The following PARVB variants were observed in gnomAD, a reference collection of about 807,000 sequenced individuals.
PARVB encodes the protein parvin beta.
In PARVB, 46 loss-of-function variants were observed where a neutral mutation model predicts 47.0. The observed-to-expected ratio is 0.98, with a 90% confidence interval of 0.77 to 1.25. The LOEUF (loss-of-function observed/expected upper bound fraction) is 1.25, where lower values mean the gene tolerates loss of function less well. Ranked by LOEUF, PARVB falls within the 50% of genes most tolerant of loss-of-function variation. The pLI is 0.00. For missense variants in PARVB, 473 were observed against 471.6 expected (o/e 1.00, Z -0.03); for synonymous variants, 196 against 196.3 (o/e 1.00, Z 0.01).
At chr22:44,043,966 G>C (rs2051068017) in intron 1 of PARVB, among the ~76,000 whole-genome samples, 1 of 152,118 alleles carries the variant, frequency 6.6e-6, no homozygotes, top group Non-Finnish European at 1.5e-5. Flanking sequence ...CACTGGCCAG[G>C]GGCTGGGCTT....
intron 1 of PARVB, among the ~76,000 whole-genome samples, chr22:44,082,127 G>T (rs1465531185): frequency 6.6e-6 from 1 of 152,198 alleles, no homozygotes; most frequent in Non-Finnish European, 1.5e-5. Context: ...GGGCGGGGGA[G>T]GCTGGCTTTG....
Position 44,160,430 on chromosome 22 carries a change from C to T in PARVB, c.945+2347C>T, listed in dbSNP as rs114881098. On this transcript the variant is annotated intron_variant, in intron 11 of 12. Coordinates refer to ENST00000338758, the MANE Select transcript of PARVB (RefSeq NM_013327.5). The stretch of plus-strand genomic sequence containing the variant: ...CTCACCTGGCCAAGTTGATTAAAAC[C>T]TTTTGAATTGCAGAGAGAAAGGATT... 4.0e-3 allele frequency among the ~76,000 whole-genome samples: 614 copies of T among 152,308 alleles called. 4 individuals carry two copies. The highest frequency in any genetic ancestry group is 0.014 in the African/African-American group (575 of 41,568).
At chr22:44,162,147 A>G (rs2054067865) in intron 11 of PARVB, among the ~76,000 whole-genome samples, 1 of 152,200 alleles carries the variant, frequency 6.6e-6, no homozygotes, top group African/African-American at 2.4e-5. Context: ...TGCACTGTGG[A>G]AGCTTTTCCA....
At chr22:44,167,596 A>G (rs1311257426) in intron 12 of PARVB, among the ~76,000 whole-genome samples, 1 of 151,956 alleles carries the variant, frequency 6.6e-6, no homozygotes, top group Non-Finnish European at 1.5e-5. Context: ...CTCCAACTCC[A>G]TGGCCGCCAT....
chr22:44,024,438 G>T lies in PARVB; in HGVS notation c.99G>T (p.Arg33=). ...TGGGCGGCACCCTGGCCAGGAAGCG[G>T]AGGGCGCGCGAGGGTGAGTGCGCGC... The part of the protein sequence containing the change: ...GKLGGTLARK[R]RAREVSDLQE... Residue 33 remains arginine (R), a synonymous_variant, in exon 1 of 13, where the codon CGG becomes CGT. Coordinates refer to ENST00000338758, the MANE Select transcript of PARVB (RefSeq NM_013327.5). 1 of 1,191,610 alleles carries T rather than the reference G, an allele frequency of 8.4e-7. No individual in the cohort carries two copies. The allele number at this position is 1,191,610 out of a possible 1,614,324, so 73.8% of individuals were successfully genotyped here. A position where few individuals can be genotyped will look rare whatever the true frequency, so the allele number is the denominator to read the frequency against.
intron 1 of PARVB, among the ~76,000 whole-genome samples, chr22:44,062,898 G>A (rs1008556230): frequency 6.6e-6 from 1 of 152,024 alleles, no homozygotes; most frequent in African/African-American, 2.4e-5. Flanking sequence ...ATGTAGGCAT[G>A]TCTGGTTATT....
intron 1 of PARVB, among the ~76,000 whole-genome samples, chr22:44,039,427 G>A (rs575512164): frequency 6.6e-6 from 1 of 152,160 alleles, no homozygotes; most frequent in Admixed American, 6.5e-5. Context: ...TGTAATCCCA[G>A]CTACTTGGGA....
rs55865160 is a variant in PARVB at position 44,122,562 on chromosome 22, C to CAG, written c.376+3469_376+3470dup. 9.4e-3 allele frequency among the ~76,000 whole-genome samples: 738 copies of CAG among 78,758 alleles called. 13 individuals are homozygous for CAG. The highest frequency in any genetic ancestry group is 0.031 in the East Asian group (77 of 2,522). The allele number at this position is 78,758 out of a possible 152,430, so 51.7% of individuals were successfully genotyped here. A position where few individuals can be genotyped will look rare whatever the true frequency, so the allele number is the denominator to read the frequency against. Reference sequence around the variant, plus strand: ...AGAGAGAGAGAGAGAGACACAGAGACAGAGAGAGAGAGAGAGAGAGAGAGA... The same window carrying CAG: ...AGAGAGAGAGAGAGAGACACAGAGACAGAGAGAGAGAGAGAGAGAGAGAGAGA... On this transcript the variant is annotated intron_variant, in intron 4 of 12. Coordinates refer to ENST00000338758, the MANE Select transcript of PARVB (RefSeq NM_013327.5).
intron 1 of PARVB, among the ~76,000 whole-genome samples, chr22:44,045,032 G>T (rs531054530): frequency 1.3e-5 from 2 of 152,124 alleles, no homozygotes; most frequent in South Asian, 4.2e-4. Flanking sequence ...TGAGCCCGGT[G>T]GTTTGAGACC....
At position 44,065,137 on chromosome 22, in the gene PARVB, C is replaced by T. The variant is rs548138350; in HGVS notation, c.113-28791C>T. Reference sequence around the variant, plus strand: ...GAAACTTGGCTTTCTCCCACTGCTCCCCCAGTGCTCACTGACTAGTTTTGG... The same window carrying T: ...GAAACTTGGCTTTCTCCCACTGCTCTCCCAGTGCTCACTGACTAGTTTTGG... On this transcript the variant is annotated intron_variant, in intron 1 of 12. Coordinates refer to ENST00000338758, the MANE Select transcript of PARVB (RefSeq NM_013327.5). 5.9e-5 allele frequency among the ~76,000 whole-genome samples: 9 copies of T among 152,170 alleles called. No homozygotes were observed. The East Asian group carries it at 1.4e-3, about 23-fold the overall frequency.
intron 2 of PARVB, among the ~76,000 whole-genome samples, chr22:44,007,280 G>A (rs1281951312): frequency 6.6e-6 from 1 of 151,890 alleles, no homozygotes; most frequent in East Asian, 1.9e-4. Flanking sequence ...AGGAAGGTGG[G>A]CTGGGGGGAG....
At position 44,028,313 on chromosome 22, in the gene PARVB, T is replaced by TTG. The variant is rs1555893552; in HGVS notation, c.112+3863_112+3864insGT. ...CTGGCAACCACGGATCATTTTTTTGTTTTGTTTTTTTGGTTTTTGTTTTTG... is the reference window on the plus strand; with the variant it reads ...CTGGCAACCACGGATCATTTTTTTGTTGTTTGTTTTTTTGGTTTTTGTTTTTG... On this transcript the variant is annotated intron_variant, in intron 1 of 12. Coordinates refer to ENST00000338758, the MANE Select transcript of PARVB (RefSeq NM_013327.5). Among the ~76,000 whole-genome samples, 772 of 145,874 alleles carry TTG rather than the reference T, an allele frequency of 5.3e-3. 6 individuals are homozygous for TTG. The highest frequency in any genetic ancestry group is 0.016 in the African/African-American group (621 of 38,938).
chr22:44,119,005 G>A lies in PARVB; in HGVS notation c.274-33G>A, dbSNP rs763001408. The A allele has an allele frequency of 2.7e-5, 39 of 1,466,210 alleles. 1 individual carries two copies. The Admixed American group carries it at 4.2e-4, about 16-fold the overall frequency. The allele number at this position is 1,466,210 out of a possible 1,614,324, so 90.8% of individuals were successfully genotyped here. A position where few individuals can be genotyped will look rare whatever the true frequency, so the allele number is the denominator to read the frequency against. The stretch of plus-strand genomic sequence containing the variant: ...ACTGCCTCATTGCCGTGGCGCTGGT[G>A]GACTGAGGCCATAATGCCTGCGTCT... On this transcript the variant is annotated intron_variant, in intron 3 of 12. Coordinates refer to ENST00000338758, the MANE Select transcript of PARVB (RefSeq NM_013327.5).
rs183029598 is a variant in PARVB, at chr22:44,111,377, T to C, written c.274-7661T>C. The C allele has an allele frequency of 2.6e-5, 4 of 151,662 alleles. No individual in the cohort carries two copies. The Admixed American group carries it at 2.6e-4, about 10-fold the overall frequency. 9.4% of individuals were successfully genotyped at this position (151,662 alleles called of 1,614,324 possible). On this transcript the variant is annotated intron_variant, in intron 3 of 12. Coordinates refer to ENST00000338758, the MANE Select transcript of PARVB (RefSeq NM_013327.5). ...ATGCCATGCTGTATTTATACAGGCA[T>C]GTACACCAGCGGGTCGGGATTTTAG...
In PARVB at chr22:44,172,351, G is replaced by A. The variant is rs2054277112; in HGVS notation, c.*3673G>A. On this transcript the variant is annotated 3_prime_UTR_variant, in exon 13 of 13. Transcript: ENST00000338758. ...TTTCAGTGAATGGTTCTTTGAAGAG[G>A]AACCCTGGTCCATAGGAACTGAGTG... The A allele has an allele frequency of 6.6e-6, 1 of 152,376 alleles. No homozygotes were observed. The allele number at this position is 152,376 out of a possible 1,614,324, so 9.4% of individuals were successfully genotyped here. A position where few individuals can be genotyped will look rare whatever the true frequency, so the allele number is the denominator to read the frequency against.
At chr22:44,018,334 G>A (rs1234849200) in intron 2 of PARVB, among the ~76,000 whole-genome samples, 1 of 152,090 alleles carries the variant, frequency 6.6e-6, no homozygotes, top group South Asian at 2.1e-4. Flanking sequence ...CCCAGGAGGC[G>A]GAGGTTGCAG....
intron 2 of PARVB, among the ~76,000 whole-genome samples, chr22:44,099,219 G>A (rs891432623): frequency 7.9e-5 from 12 of 152,202 alleles, no homozygotes; most frequent in East Asian, 1.9e-4. Flanking sequence ...TGCAGGTCCC[G>A]GAGCTGGACA....
At chr22:43,999,901 G>A (rs2050397259) in intron 2 of PARVB, among the ~76,000 whole-genome samples, 1 of 150,448 alleles carries the variant, frequency 6.6e-6, no homozygotes, top group African/African-American at 2.5e-5. Flanking sequence ...CATCTACTTG[G>A]GAGACTTAGG....
intron 1 of PARVB, among the ~76,000 whole-genome samples, chr22:44,055,363 CAG>C (rs1429598777): frequency 6.6e-6 from 1 of 151,112 alleles, no homozygotes; most frequent in East Asian, 2.0e-4. Flanking sequence ...TTTTTTGAGA[CAG>C]AGTCTCACTC....
Sources: gnomAD v4.1 joint callset for allele counts (sites outside exome capture counted in the v4.1 genomes callset) on GRCh38, gnomAD v4.1.1 for gene constraint, MANE v1.5 for transcripts, NCBI Gene and HGNC (gene_info 2026-07-23, HGNC 2026-07-21) for gene names.